The following AUTS2 variants were observed in gnomAD, a reference collection of about 807,000 sequenced individuals.
AUTS2 encodes activator of transcription and developmental regulator AUTS2.
A neutral mutation model predicts 112.4 loss-of-function variants in AUTS2; 17 were observed. The observed-to-expected ratio is 0.15, with a 90% CI of 0.10 to 0.23. AUTS2 has a LOEUF of 0.23. Ranked by LOEUF, AUTS2 falls within the 10% of genes least tolerant of loss-of-function variation. The probability of loss-of-function intolerance (pLI) is 1.00; values close to 1 mark genes in which losing one functional copy is unlikely to be tolerated. For missense variants in AUTS2, 1,510 were observed against 1,701.6 expected, an observed-to-expected ratio of 0.89 and a Z score of 1.98; for synonymous variants, 751 against 702.7, an observed-to-expected ratio of 1.07 and a Z score of -1.09.
intron 5 of AUTS2, among the ~76,000 whole-genome samples, chr7:70,618,722 CAG>C (rs34608343): frequency 0.86 from 129,999 of 151,382 alleles, 55,969 homozygotes; most frequent in African/African-American, 0.9. Context: ...AGGGGACAGA[CAG>C]AGAGAGAGAA....
intron 5 of AUTS2, among the ~76,000 whole-genome samples, chr7:70,584,696 C>T (rs924959874): frequency 2.6e-5 from 4 of 152,278 alleles, no homozygotes; most frequent in Non-Finnish European, 2.9e-5. Flanking sequence ...CAGAGCACCC[C>T]TTCACACCAC....
chr7:69,831,120 C>T (rs1467532056), intron 1 of AUTS2, among the ~76,000 whole-genome samples: 3 of 152,160 alleles, frequency 2.0e-5, no homozygotes, highest in Non-Finnish European at 4.4e-5. Context: ...CTGATCCCCA[C>T]TCCCCAAGAA....
intron 1 of AUTS2, among the ~76,000 whole-genome samples, chr7:69,600,408 C>CGTGTGTGTGTGT (rs113179115): frequency 4.2e-5 from 6 of 143,308 alleles, no homozygotes; most frequent in Non-Finnish European, 7.6e-5. Flanking sequence ...GTCATATGTT[C>CGTGTGTGTGTGT]GTGTGTGTGT....
At chr7:70,147,806 GGATCACTGAAAGGAGTGATCAAGCAT>G (rs1324296521) in intron 4 of AUTS2, among the ~76,000 whole-genome samples, 2 of 152,064 alleles carry the variant, frequency 1.3e-5, no homozygotes, top group Non-Finnish European at 2.9e-5. Context: ...ATCACGGAAA[GGATCACTGAAAGGAGTGATCAAGCAT>G]GATCACTGAA....
At chr7:70,041,423 T>G (rs900056912) in intron 2 of AUTS2, among the ~76,000 whole-genome samples, 17 of 152,174 alleles carry the variant, frequency 1.1e-4, no homozygotes, top group African/African-American at 3.6e-4. Context: ...GCTTACAAAT[T>G]TCTCTCCCTC....
At chr7:69,934,874 A>T (rs1287520192) in intron 2 of AUTS2, among the ~76,000 whole-genome samples, 1 of 151,992 alleles carries the variant, frequency 6.6e-6, no homozygotes, top group Non-Finnish European at 1.5e-5. Context: ...CCCCAAACTG[A>T]TGTGCGTGTG....
chr7:69,728,393 C>T (rs994941491), intron 1 of AUTS2, among the ~76,000 whole-genome samples: 4 of 152,154 alleles, frequency 2.6e-5, no homozygotes, highest in African/African-American at 9.7e-5. Flanking sequence ...AATAGCTTTC[C>T]CCTGGATTAG....
intron 5 of AUTS2, among the ~76,000 whole-genome samples, chr7:70,538,935 T>C (rs1800433691): frequency 6.6e-6 from 1 of 152,214 alleles, no homozygotes; most frequent in African/African-American, 2.4e-5. Context: ...ACGGGTTTTC[T>C]TTAGTTCTTT....
At chr7:70,310,308 A>T in intron 4 of AUTS2, among the ~76,000 whole-genome samples, 1 of 152,032 alleles carries the variant, frequency 6.6e-6, no homozygotes, top group East Asian at 1.9e-4. Flanking sequence ...GCACCTGTTC[A>T]CTAAGAAATA....
At chr7:70,337,348 C>T (rs765762572) in intron 4 of AUTS2, among the ~76,000 whole-genome samples, 54 of 152,318 alleles carry the variant, frequency 3.5e-4, no homozygotes, top group Non-Finnish European at 5.6e-4. Flanking sequence ...AAGGCAACCT[C>T]TATTGTAAGG....
intron 4 of AUTS2, among the ~76,000 whole-genome samples, chr7:70,399,957 A>T (rs1794255183): frequency 6.6e-6 from 1 of 152,154 alleles, no homozygotes; most frequent in Admixed American, 6.5e-5. Flanking sequence ...AGAAATGGAA[A>T]CTAATAGAGC....
chr7:70,428,356 T>G (rs1275843352), intron 4 of AUTS2, among the ~76,000 whole-genome samples: 1 of 152,182 alleles, frequency 6.6e-6, no homozygotes, highest in Admixed American at 6.5e-5. Flanking sequence ...ATTGGGCAGC[T>G]GGGCAGGGGA....
At chr7:69,790,614 G>C (rs1015445817) in intron 1 of AUTS2, among the ~76,000 whole-genome samples, 4 of 152,290 alleles carry the variant, frequency 2.6e-5, no homozygotes, top group African/African-American at 9.6e-5. Context: ...AATGATACCT[G>C]CCTGTTAGGA....
intron 1 of AUTS2, among the ~76,000 whole-genome samples, chr7:69,809,317 A>T (rs1022801730): frequency 6.6e-6 from 1 of 151,928 alleles, no homozygotes; most frequent in Non-Finnish European, 1.5e-5. Flanking sequence ...TGACCTCGTG[A>T]TCTGCCCGCC....
At chr7:70,262,455 C>T (rs1050285565) in intron 4 of AUTS2, among the ~76,000 whole-genome samples, 2 of 152,124 alleles carry the variant, frequency 1.3e-5, no homozygotes, top group African/African-American at 4.8e-5. Context: ...CTTTTAAAGA[C>T]CTGACATCTT....
At chr7:69,688,862 A>G (rs1003048385) in intron 1 of AUTS2, among the ~76,000 whole-genome samples, 1 of 152,224 alleles carries the variant, frequency 6.6e-6, no homozygotes, top group Non-Finnish European at 1.5e-5. Context: ...CATATCAACA[A>G]TACATATTTT....
rs1563195513 is a variant in AUTS2, at chr7:70,781,697, T to C, written c.2087T>C (p.Phe696Ser). The C allele has an allele frequency of 6.2e-7, 1 of 1,614,188 alleles. No individual in the cohort carries two copies. Among genetic ancestry groups the C allele is most frequent in the Admixed American group, 1.7e-5 (1 of 60,022 alleles). ...FLSRPPGPSLFGAIHHPHDLA... is the reference protein window; with the variant it reads ...FLSRPPGPSLSGAIHHPHDLA... ...AGCCGCCCTCCAGGCCCCAGTCTTT[T>C]TGGAGCCATCCACCACCCCCATGAC... The change falls in exon 15 of 19, where the codon TTT becomes TCT. Residue 696 changes from phenylalanine to serine, a missense_variant. This residue lies in a region of AUTS2 where 187 missense variants were observed against 309.7 expected (regional missense o/e 0.60). Coordinates refer to ENST00000342771, the MANE Select transcript of AUTS2 (RefSeq NM_015570.4).
chr7:70,124,127 AG>A (rs1463363648), intron 3 of AUTS2, among the ~76,000 whole-genome samples: 2 of 152,094 alleles, frequency 1.3e-5, no homozygotes, highest in Non-Finnish European at 2.9e-5. Context: ...TTTTTTGTAT[AG>A]GCTTGTTGGC....
chr7:70,131,004 C>A (rs1806241963), intron 3 of AUTS2, among the ~76,000 whole-genome samples: 1 of 152,158 alleles, frequency 6.6e-6, no homozygotes. Flanking sequence ...AAGGAAACTT[C>A]TGTTTCTTTC....
Sources: allele counts gnomAD v4.1 joint callset (sites outside exome capture counted in the v4.1 genomes callset), GRCh38; gene constraint gnomAD v4.1.1; regional missense constraint gnomAD v4.1.1; transcripts MANE v1.5; gene names NCBI Gene and HGNC (gene_info 2026-07-23, HGNC 2026-07-21).